The following RASEF variants were observed in gnomAD, a reference collection of about 807,000 sequenced individuals.
RASEF encodes the protein ras and EF-hand domain-containing protein.
Under a neutral mutation model 90.1 loss-of-function variants are expected in RASEF, and 68 were observed. The observed-to-expected ratio is 0.75, with a 90% CI of 0.62 to 0.92. The LOEUF (loss-of-function observed/expected upper bound fraction) is 0.92. Ranked by LOEUF, RASEF falls within the 40% of genes least tolerant of loss-of-function variation. The probability of loss-of-function intolerance (pLI) is 0.00; values close to 1 mark genes in which losing one functional copy is unlikely to be tolerated. For missense variants in RASEF, 949 were observed against 937.2 expected, an observed-to-expected ratio of 1.01 and a Z score of -0.16; for synonymous variants, 331 against 345.2, an observed-to-expected ratio of 0.96 and a Z score of 0.46.
rs373602480 is a variant in RASEF, at chr9:83,060,884, CATG to C, written c.431+1550_431+1552del. Among the ~76,000 whole-genome samples, 260 of 152,284 alleles carry C rather than the reference CATG, an allele frequency of 1.7e-3. 1 individual carries two copies. The highest frequency in any genetic ancestry group is 3.1e-3 in the Non-Finnish European group (214 of 68,028). ...ATCTCTGAAGAATTTGGAAAGGCAA[CATG>C]ATAATAATAATTCCACCAATAATAT... On this transcript the variant is annotated intron_variant, in intron 1 of 16. Coordinates refer to ENST00000376447, the MANE Select transcript of RASEF (RefSeq NM_152573.4).
intron 1 of RASEF, among the ~76,000 whole-genome samples, chr9:83,049,802 T>C (rs1160116383): frequency 5.9e-5 from 6 of 102,274 alleles, no homozygotes; most frequent in South Asian, 4.0e-4. Context: ...TTTGGTTTTT[T>C]GTTCTTGCGA....
intron 16 of RASEF, among the ~76,000 whole-genome samples, chr9:82,989,604 T>C (rs1828774922): frequency 6.6e-6 from 1 of 152,156 alleles, no homozygotes; most frequent in African/African-American, 2.4e-5. Context: ...CCAATTATCA[T>C]ACTAAAATTA....
At chr9:83,136,037 C>T in the RASEF span, among the ~76,000 whole-genome samples, 1 of 151,770 alleles carries the variant, frequency 6.6e-6, no homozygotes, top group Non-Finnish European at 1.5e-5. Context: ...TATGTATATA[C>T]ATATATATGA....
chr9:83,028,606 G>A (rs1476416506), intron 1 of RASEF, among the ~76,000 whole-genome samples: 1 of 152,196 alleles, frequency 6.6e-6, no homozygotes, highest in Admixed American at 6.5e-5. Flanking sequence ...GAAAAGCCAT[G>A]CAGACAGCCA....
chr9:83,182,904 T>C, the RASEF span, among the ~76,000 whole-genome samples: 1 of 152,044 alleles, frequency 6.6e-6, no homozygotes, highest in Non-Finnish European at 1.5e-5. Context: ...ATATATGCAA[T>C]ATATGCAACA....
At chr9:83,083,692 C>A in the RASEF span, among the ~76,000 whole-genome samples, 1 of 152,030 alleles carries the variant, frequency 6.6e-6, no homozygotes, top group African/African-American at 2.4e-5. Flanking sequence ...AAATAAGACA[C>A]CCCCTATGTA....
chr9:83,063,294 C>G, upstream of RASEF: 1 of 180,812 alleles, frequency 5.5e-6, no homozygotes. Context: ...ACCTGGCTGG[C>G]CGGAACTGGG....
chr9:83,156,434 T>C, the RASEF span, among the ~76,000 whole-genome samples: 1 of 152,182 alleles, frequency 6.6e-6, no homozygotes, highest in Non-Finnish European at 1.5e-5. Context: ...TTCCTCATGT[T>C]CTTTACCCTA....
chr9:83,174,049 C>G, the RASEF span, among the ~76,000 whole-genome samples: 5 of 151,600 alleles, frequency 3.3e-5, no homozygotes, highest in African/African-American at 1.2e-4. Context: ...ATATTCTATA[C>G]ACAAATCCAA....
chr9:82,998,247 C>T (rs1190260639), intron 13 of RASEF, 118 bp downstream of exon 13: 2 of 593,670 alleles, frequency 3.4e-6, no homozygotes, highest in Non-Finnish European at 6.1e-6. Flanking sequence ...TGTAATTATG[C>T]ATATAATTAT....
intron 14 of RASEF, among the ~76,000 whole-genome samples, chr9:82,993,629 T>C (rs781744169): frequency 2.0e-5 from 3 of 152,224 alleles, no homozygotes; most frequent in Non-Finnish European, 2.9e-5. Flanking sequence ...AAGCAAAATA[T>C]AAAAGTCCTG....
chr9:83,185,389 G>T, the RASEF span, among the ~76,000 whole-genome samples: 1 of 146,822 alleles, frequency 6.8e-6, no homozygotes, highest in African/African-American at 2.5e-5. Flanking sequence ...GAGACCCTAC[G>T]GTGCTCAGGC....
the RASEF span, among the ~76,000 whole-genome samples, chr9:83,147,476 T>C: frequency 6.6e-6 from 1 of 152,098 alleles, no homozygotes; most frequent in African/African-American, 2.4e-5. Context: ...TACAGGGGTG[T>C]GGTGCATATG....
chr9:83,018,338 C>CT (rs1341274333), intron 3 of RASEF, among the ~76,000 whole-genome samples: 3 of 152,036 alleles, frequency 2.0e-5, no homozygotes, highest in Non-Finnish European at 4.4e-5. Flanking sequence ...AATGAACAAT[C>CT]AGAAATTGAA....
the RASEF span, among the ~76,000 whole-genome samples, chr9:83,140,387 C>T: frequency 6.6e-6 from 1 of 152,180 alleles, no homozygotes; most frequent in Non-Finnish European, 1.5e-5. Flanking sequence ...GTCATAACTA[C>T]ACTGGCTCAT....
chr9:83,059,152 A>AT (rs761351953), intron 1 of RASEF, among the ~76,000 whole-genome samples: 3 of 152,148 alleles, frequency 2.0e-5, no homozygotes, highest in Non-Finnish European at 4.4e-5. Context: ...CAATTCACAG[A>AT]TAACACTCAA....
At chr9:83,147,373 G>A in the RASEF span, among the ~76,000 whole-genome samples, 13 of 152,172 alleles carry the variant, frequency 8.5e-5, no homozygotes, top group East Asian at 1.4e-3. Flanking sequence ...TGAGAAGGTC[G>A]GCGCATATTA....
the RASEF span, among the ~76,000 whole-genome samples, chr9:83,158,760 A>T: frequency 6.7e-6 from 1 of 149,588 alleles, no homozygotes; most frequent in East Asian, 1.9e-4. Context: ...GCATATATGT[A>T]TATATACACA....
chr9:83,128,025 C>CTTTTTT, the RASEF span, among the ~76,000 whole-genome samples: 347 of 134,344 alleles, frequency 2.6e-3, no homozygotes, highest in Middle Eastern at 4.1e-3. Context: ...TTTTTCTTTT[C>CTTTTTT]TTTTTTTTTT....
Sources: allele counts gnomAD v4.1 joint callset (sites outside exome capture counted in the v4.1 genomes callset), GRCh38; gene constraint gnomAD v4.1.1; transcripts MANE v1.5; gene names NCBI Gene and HGNC (gene_info 2026-07-23, HGNC 2026-07-21).